The following IKBKG variants were observed in gnomAD, a reference collection of about 807,000 sequenced individuals.
IKBKG encodes NF-kappa-B essential modulator.
In IKBKG, 2 loss-of-function variants were observed where a neutral mutation model predicts 13.7. The observed-to-expected ratio is 0.15, with a 90% CI of 0.06 to 0.46. IKBKG has a LOEUF of 0.46. Among genes scored for constraint, IKBKG ranks in the 20% least tolerant of loss-of-function variants. IKBKG has a pLI of 0.98. For synonymous variants in IKBKG, 22 were observed against 64.4 expected, an observed-to-expected ratio of 0.34 and a Z score of 3.15; for missense variants, 53 against 150.3, an observed-to-expected ratio of 0.35 and a Z score of 3.39.
At chrX:154,559,088 TC>T (rs2071090490) in intron 4 of IKBKG, among the ~76,000 whole-genome samples, 1 of 111,441 alleles carries the variant, frequency 9.0e-6, no homozygotes, top group Non-Finnish European at 1.9e-5. Flanking sequence ...GAGAAGCGCC[TC>T]CCACACGGGC....
At chrX:154,550,231 C>G (rs2070889291) in intron 1 of IKBKG, among the ~76,000 whole-genome samples, 1 of 100,819 alleles carries the variant, frequency 9.9e-6, no homozygotes, top group Non-Finnish European at 2.0e-5. Context: ...ATTAGATGTG[C>G]TCTTGTGTGT....
intron 2 of IKBKG, among the ~76,000 whole-genome samples, chrX:154,555,218 G>A (rs1329720414): frequency 8.9e-6 from 1 of 112,218 alleles, no homozygotes; most frequent in African/African-American, 3.2e-5. Flanking sequence ...AGCCTTTTGG[G>A]CCTCTCAGGC....
intron 1 of IKBKG, among the ~76,000 whole-genome samples, chrX:154,548,875 A>G (rs1227358820): frequency 9.1e-6 from 1 of 110,227 alleles, no homozygotes; most frequent in Non-Finnish European, 1.9e-5. Context: ...CAGTATAGTA[A>G]ATCTTACATT....
upstream of IKBKG, among the ~76,000 whole-genome samples, chrX:154,544,575 G>A (rs1373638468): frequency 6.2e-5 from 7 of 112,565 alleles, no homozygotes; most frequent in Non-Finnish European, 1.1e-4. Flanking sequence ...GAATACAGGC[G>A]TGAGCCACCG....
intron 1 of IKBKG, 93 bp from the exon 2 acceptor site, chrX:154,551,895 T>C (rs2070942630): frequency 1.5e-6 from 1 of 660,350 alleles, no homozygotes; most frequent in African/African-American, 2.3e-5. Context: ...TTATCAGCAT[T>C]CTGTTTAAAA....
At chrX:154,555,158 T>C (rs1222043454) in intron 2 of IKBKG, among the ~76,000 whole-genome samples, 2 of 112,113 alleles carry the variant, frequency 1.8e-5, no homozygotes, top group Non-Finnish European at 3.8e-5. Context: ...CTGTTCACTA[T>C]GCAGATGAGG....
chrX:154,547,764 A>C lies in IKBKG; in HGVS notation c.-16+19A>C. ...CTGACAGGTGTGGTCCTTTTCCCCA[A>C]AGACAGGGTTCCATCCGTGGGCGTT... On this transcript the variant is annotated intron_variant, in intron 1 of 9. Coordinates refer to ENST00000594239, the MANE Select transcript of IKBKG (RefSeq NM_001099857.5). 3 of 754,211 alleles carry C rather than the reference A, an allele frequency of 4.0e-6. No homozygotes were observed. Among genetic ancestry groups the C allele is most frequent in the Non-Finnish European group, 4.7e-6 (3 of 639,196 alleles). 62.2% of individuals were successfully genotyped at this position (754,211 alleles called of 1,213,427 possible). A position where few individuals can be genotyped will look rare whatever the true frequency, so the allele number is the denominator to read the frequency against.
upstream of IKBKG, chrX:154,547,512 T>G: frequency 1.3e-6 from 1 of 754,550 alleles, no homozygotes; most frequent in Non-Finnish European, 1.6e-6. Flanking sequence ...CAGACTTCTC[T>G]CCGGAGCGGG....
At chrX:154,563,146 A>G (rs1219582207) in intron 7 of IKBKG, among the ~76,000 whole-genome samples, 193 bp downstream of exon 7, 1 of 33,565 alleles carries the variant, frequency 3.0e-5, no homozygotes, top group African/African-American at 2.5e-4. Flanking sequence ...CTCTTGCCTC[A>G]GCCTCCTGAG....
Position 154,552,098 on chromosome X carries a change from T to A in IKBKG, c.96T>A (p.Pro32=), listed in dbSNP as rs1451683583. 8.4e-7 allele frequency: 1 copy of A among 1,194,983 alleles called. No homozygotes were observed. Among genetic ancestry groups the A allele is most frequent in the Non-Finnish European group, 1.1e-6 (1 of 884,439 alleles). ...AGGACGTACTGGGCGAAGAGTCTCC[T>A]CTGGGGAAGCCAGCCATGCTGCACC... ...ADQDVLGEES[P]LGKPAMLHLP... The change falls in exon 2 of 10, where the codon CCT becomes CCA. Residue 32 remains proline, a synonymous_variant. Transcript: ENST00000594239.
upstream of IKBKG, among the ~76,000 whole-genome samples, chrX:154,543,894 G>C (rs1252192114): frequency 2.0e-5 from 2 of 102,421 alleles, no homozygotes; most frequent in African/African-American, 7.2e-5. Flanking sequence ...TTGAGATGGA[G>C]TCTCACTCTG....
chrX:154,545,342 T>C (rs1263051131), upstream of IKBKG, among the ~76,000 whole-genome samples: 1 of 112,069 alleles, frequency 8.9e-6, no homozygotes, highest in African/African-American at 3.2e-5. Context: ...TCGACGGAAC[T>C]TGAAGTGTTA....
intron 2 of IKBKG, among the ~76,000 whole-genome samples, chrX:154,553,508 C>T (rs954668990): frequency 1.2e-4 from 13 of 112,516 alleles, no homozygotes; most frequent in Admixed American, 7.5e-4. Context: ...GTGCAGTCAG[C>T]TTGCTGTCAG....
intron 1 of IKBKG, 110 bp downstream of exon 1, chrX:154,547,855 C>T (rs2070795382): frequency 1.3e-6 from 1 of 755,155 alleles, no homozygotes; most frequent in East Asian, 1.5e-4. Context: ...CCAGCCCGTT[C>T]CTGCTCCGCG....
chrX:154,541,926 G>A (rs1405438193), intron 1 of IKBKG, among the ~76,000 whole-genome samples: 3 of 112,255 alleles, frequency 2.7e-5, no homozygotes, highest in Non-Finnish European at 5.6e-5. Flanking sequence ...CATCCCCAAG[G>A]GTCACTGGGG....
At chrX:154,544,322 C>T (rs2070624682), upstream of IKBKG, among the ~76,000 whole-genome samples, 1 of 109,953 alleles carries the variant, frequency 9.1e-6, no homozygotes, top group South Asian at 3.9e-4. Flanking sequence ...CCACCACGCC[C>T]AGCTAATTTT....
intron 1 of IKBKG, among the ~76,000 whole-genome samples, chrX:154,548,994 CTTT>C (rs1329510045): frequency 2.1e-5 from 2 of 94,047 alleles, no homozygotes; most frequent in Admixed American, 1.2e-4. Context: ...TTCTTTCTTT[CTTT>C]TTTTTTTTTT....
chrX:154,553,844 CAGTT>C (rs1369515513), intron 2 of IKBKG, among the ~76,000 whole-genome samples: 3 of 112,659 alleles, frequency 2.7e-5, no homozygotes, highest in African/African-American at 9.7e-5. Context: ...AGAGAGGTGA[CAGTT>C]AGACTGGGGG....
At chrX:154,543,061 C>T (rs184623935), upstream of IKBKG, among the ~76,000 whole-genome samples, 16 of 112,248 alleles carry the variant, frequency 1.4e-4, no homozygotes, top group African/African-American at 4.9e-4. Context: ...CCGAGTGAGG[C>T]ATCAGGCGTG....
Sources: allele counts gnomAD v4.1 joint callset (sites outside exome capture counted in the v4.1 genomes callset), GRCh38; gene constraint gnomAD v4.1.1; transcripts MANE v1.5; gene names NCBI Gene and HGNC (gene_info 2026-07-23, HGNC 2026-07-21).